The following KSR2 variants were observed in gnomAD, a reference collection of about 807,000 sequenced individuals.
KSR2 encodes the protein kinase suppressor of ras 2.
In KSR2, 25 loss-of-function variants were observed where a neutral mutation model predicts 107.8. The ratio of observed to expected loss-of-function variants is 0.23; its 90% CI spans 0.17 to 0.32. The LOEUF (loss-of-function observed/expected upper bound fraction) is 0.32. Among genes scored for constraint, KSR2 ranks in the 10% least tolerant of loss-of-function variants. KSR2 has a pLI of 1.00. For missense variants in KSR2, 887 were observed against 1,268.9 expected, an observed-to-expected ratio of 0.70 and a Z score of 4.57; for synonymous variants, 480 against 507.0, an observed-to-expected ratio of 0.95 and a Z score of 0.71.
chr12:117,678,250 A>C (rs1017783552), intron 4 of KSR2, among the ~76,000 whole-genome samples: 1 of 151,990 alleles, frequency 6.6e-6, no homozygotes, highest in African/African-American at 2.4e-5. Flanking sequence ...GCACCGGGCC[A>C]GTATTGGGCT....
chr12:117,546,067 T>G (rs1876848101), intron 9 of KSR2, among the ~76,000 whole-genome samples: 1 of 152,232 alleles, frequency 6.6e-6, no homozygotes, highest in South Asian at 2.1e-4. Flanking sequence ...ATTTGTACAC[T>G]TTTTACTGTT....
At chr12:117,755,400 G>A (rs1434658772) in intron 4 of KSR2, among the ~76,000 whole-genome samples, 1 of 152,124 alleles carries the variant, frequency 6.6e-6, no homozygotes, top group Non-Finnish European at 1.5e-5. Flanking sequence ...GGTCATTCTA[G>A]CAATATTTCT....
chr12:117,686,250 G>A (rs1885571598), intron 4 of KSR2, among the ~76,000 whole-genome samples: 1 of 95,588 alleles, frequency 1.0e-5, no homozygotes, highest in Admixed American at 1.1e-4. Flanking sequence ...TTTTTTAGCA[G>A]AGATGAGGTC....
At chr12:117,714,789 C>T (rs201561557) in intron 4 of KSR2, among the ~76,000 whole-genome samples, 2 of 152,244 alleles carry the variant, frequency 1.3e-5, no homozygotes, top group East Asian at 1.9e-4. Flanking sequence ...GGAGTGCAAC[C>T]GTCATCTAGT....
At chr12:117,765,116 A>G (rs1225368189) in intron 3 of KSR2, among the ~76,000 whole-genome samples, 1 of 152,236 alleles carries the variant, frequency 6.6e-6, no homozygotes, top group Non-Finnish European at 1.5e-5. Flanking sequence ...TAGGTCTAAG[A>G]GCCAGAACAG....
chr12:117,748,614 G>T (rs1210911650), intron 4 of KSR2, among the ~76,000 whole-genome samples: 2 of 152,114 alleles, frequency 1.3e-5, no homozygotes, highest in East Asian at 1.9e-4. Flanking sequence ...ACCAATAAAT[G>T]ATGCAAAGTA....
At chr12:117,708,933 G>A (rs1028191386) in intron 4 of KSR2, among the ~76,000 whole-genome samples, 20 of 152,056 alleles carry the variant, frequency 1.3e-4, no homozygotes, top group African/African-American at 4.3e-4. Flanking sequence ...ATGGTAGGCC[G>A]CTCGCATTCC....
intron 4 of KSR2, among the ~76,000 whole-genome samples, chr12:117,747,908 C>G (rs1888470193): frequency 6.6e-6 from 1 of 152,154 alleles, no homozygotes; most frequent in African/African-American, 2.4e-5. Context: ...CCACAAAATA[C>G]TAAAAATAGA....
intron 5 of KSR2, among the ~76,000 whole-genome samples, chr12:117,642,259 G>A (rs1439592198): frequency 6.6e-6 from 1 of 152,190 alleles, no homozygotes; most frequent in Non-Finnish European, 1.5e-5. Flanking sequence ...CTATGAGAAT[G>A]GAGATCTTGG....
At chr12:117,953,901 G>T (rs1896435593) in intron 1 of KSR2, among the ~76,000 whole-genome samples, 1 of 151,986 alleles carries the variant, frequency 6.6e-6, no homozygotes, top group Non-Finnish European at 1.5e-5. Flanking sequence ...ACTGGCCTGG[G>T]CAAGATGGCA....
At chr12:117,824,946 G>A (rs1223768099) in intron 3 of KSR2, among the ~76,000 whole-genome samples, 1 of 151,862 alleles carries the variant, frequency 6.6e-6, no homozygotes, top group Non-Finnish European at 1.5e-5. Context: ...TTGGGAGGCT[G>A]AGGTGGGTGG....
At chr12:117,942,157 A>C (rs1240068989) in intron 1 of KSR2, among the ~76,000 whole-genome samples, 1 of 152,192 alleles carries the variant, frequency 6.6e-6, no homozygotes, top group East Asian at 1.9e-4. Context: ...ACAATGTGTA[A>C]TGATCTAATC....
chr12:117,653,171 T>C (rs1198027765), intron 5 of KSR2, among the ~76,000 whole-genome samples: 3 of 152,346 alleles, frequency 2.0e-5, no homozygotes, highest in African/African-American at 7.2e-5. Flanking sequence ...GACAGATGGA[T>C]CTTGGAGAAT....
intron 14 of KSR2, among the ~76,000 whole-genome samples, chr12:117,500,775 T>C (rs12306876): frequency 0.075 from 11,372 of 152,240 alleles, 524 homozygotes; most frequent in African/African-American, 0.14. Flanking sequence ...CTCAAGAGAT[T>C]GAATGACTTG....
rs117613835 is a variant in KSR2 at position 117,812,049 on chromosome 12, C to T, written c.472+43379G>A. 2.8e-3 allele frequency among the ~76,000 whole-genome samples: 420 copies of T among 152,144 alleles called. 6 individuals are homozygous for T. The East Asian group carries it at 0.051, about 18-fold the overall frequency. On this transcript the variant is annotated intron_variant, in intron 3 of 19. Coordinates refer to ENST00000339824, the MANE Select transcript of KSR2 (RefSeq NM_173598.6). ...GGCTCAAGGAGCAGGCAGGATTTTTCTTGGAAAAAAATAAGGTCCCAATGT... is the reference window on the plus strand; with the variant it reads ...GGCTCAAGGAGCAGGCAGGATTTTTTTTGGAAAAAAATAAGGTCCCAATGT...
intron 2 of KSR2, among the ~76,000 whole-genome samples, chr12:117,856,138 G>T (rs984927914): frequency 6.6e-6 from 1 of 152,220 alleles, no homozygotes; most frequent in Admixed American, 6.5e-5. Context: ...TGCTGGAAAT[G>T]AAACTAGGTT....
intron 1 of KSR2, among the ~76,000 whole-genome samples, chr12:117,954,419 G>A (rs1013050310): frequency 2.6e-5 from 4 of 152,224 alleles, no homozygotes; most frequent in African/African-American, 9.6e-5. Context: ...GGCCACTGAT[G>A]GGAGGTGCAT....
intron 1 of KSR2, among the ~76,000 whole-genome samples, chr12:117,861,273 T>C (rs1893279764): frequency 6.6e-6 from 1 of 151,434 alleles, no homozygotes; most frequent in Admixed American, 6.6e-5. Context: ...GTCTCCAGGG[T>C]ACACTGATAA....
At chr12:117,606,406 TTCCTCCCTCCCTCCCC>T (rs1881246374) in intron 5 of KSR2, among the ~76,000 whole-genome samples, 6 of 77,898 alleles carry the variant, frequency 7.7e-5, no homozygotes, top group Non-Finnish European at 1.0e-4. Flanking sequence ...CCTCCTCTCC[TTCCTCCCTCCCTCCCC>T]TCCTTCCTCC....
Sources: allele counts gnomAD v4.1 joint callset (sites outside exome capture counted in the v4.1 genomes callset), GRCh38; gene constraint gnomAD v4.1.1; transcripts MANE v1.5; gene names NCBI Gene and HGNC (gene_info 2026-07-23, HGNC 2026-07-21).